ANKRD17: variants seen among roughly 807,000 people sequenced by gnomAD.
ANKRD17 encodes ankyrin repeat domain 17.
ANKRD17 carries 19 observed loss-of-function variants against 229.7 expected under a neutral mutation model. The ratio of observed to expected loss-of-function variants is 0.08; its 90% CI spans 0.06 to 0.12. The LOEUF is 0.12. Ranked by LOEUF, ANKRD17 falls within the 10% of genes least tolerant of loss-of-function variation. ANKRD17 has a pLI of 1.00. For missense variants in ANKRD17, 2,176 were observed against 3,176.8 expected (o/e 0.68, Z 7.57); for synonymous variants, 1,112 against 1,146.1 (o/e 0.97, Z 0.60).
rs35160047 is a variant in ANKRD17, at chr4:73,250,589, C to CAAAAAAAA, written c.393+7679_393+7686dup. Among the ~76,000 whole-genome samples, 250 of 29,394 alleles carry CAAAAAAAA rather than the reference C, an allele frequency of 8.5e-3. 42 individuals carry two copies. The highest frequency in any genetic ancestry group is 0.025 in the South Asian group (10 of 394). 19.3% of individuals were successfully genotyped at this position (29,394 alleles called of 152,430 possible). ...CACTCCAGCATAGATGACCTTGTCT[C>CAAAAAAAA]AAAAAAAAAAAAAAAAAAAAAAAAA... On this transcript the variant is annotated intron_variant, in intron 1 of 33. Coordinates refer to ENST00000358602, the MANE Select transcript of ANKRD17 (RefSeq NM_032217.5).
At chr4:73,187,561 C>A (rs1018998230) in intron 1 of ANKRD17, among the ~76,000 whole-genome samples, 1 of 152,178 alleles carries the variant, frequency 6.6e-6, no homozygotes, top group East Asian at 1.9e-4. Context: ...ATAGGACATA[C>A]TGAAGTAACC....
chr4:73,207,935 T>C lies in ANKRD17; in HGVS notation c.394-30402A>G, dbSNP rs185841515. Reference sequence around the variant, plus strand: ...CGGGCACAGTGGCTCACGCCTGTAATCCCAGCACTTTGGGAGGCCGAGGCA... The same window carrying C: ...CGGGCACAGTGGCTCACGCCTGTAACCCCAGCACTTTGGGAGGCCGAGGCA... On this transcript the variant is annotated intron_variant, in intron 1 of 33. Transcript: ENST00000358602. Among the ~76,000 whole-genome samples the C allele has an allele frequency of 6.5e-3, 989 of 152,232 alleles. 10 individuals carry two copies. Among genetic ancestry groups the C allele is most frequent in the Non-Finnish European group, 9.7e-3 (657 of 67,996 alleles).
intron 1 of ANKRD17, among the ~76,000 whole-genome samples, chr4:73,238,922 T>C (rs1477102891): frequency 6.6e-6 from 1 of 152,108 alleles, no homozygotes; most frequent in Non-Finnish European, 1.5e-5. Context: ...AACTACAAAG[T>C]GTAGATACTA....
intron 1 of ANKRD17, among the ~76,000 whole-genome samples, chr4:73,203,830 C>G (rs990904266): frequency 1.4e-5 from 2 of 148,036 alleles, no homozygotes; most frequent in Non-Finnish European, 3.0e-5. Flanking sequence ...AAAAATATAA[C>G]CTTACAAATC....
In ANKRD17 at chr4:73,142,281, A is replaced by T; in HGVS notation, c.2190T>A (p.Asp730Glu). 2.6e-6 allele frequency: 4 copies of T among 1,557,346 alleles called. No individual in the cohort carries two copies. The African/African-American group carries it at 5.6e-5, about 22-fold the overall frequency. ...PNNLLSAPPPDVTQLTPPSHD... is the reference protein window; with the variant it reads ...PNNLLSAPPPEVTQLTPPSHD... ...GGGATGGGGGAGTTAACTGAGTGAC[A>T]TCTGGTGGAGGGGCTGAAAGCAAGT... Residue 730 changes from aspartate (D) to glutamate (E), a missense_variant, in exon 13 of 34, where the codon GAT becomes GAA. This residue lies in a region of ANKRD17 where 275 missense variants were observed against 386.9 expected (regional missense o/e 0.71). Coordinates refer to ENST00000358602, the MANE Select transcript of ANKRD17 (RefSeq NM_032217.5).
intron 11 of ANKRD17, 114 bp downstream of exon 11, chr4:73,144,631 A>T: frequency 6.5e-5 from 32 of 491,094 alleles, no homozygotes; most frequent in Non-Finnish European, 1.1e-4. Context: ...TGTCAGTAGC[A>T]TCCCTCCTCA....
intron 1 of ANKRD17, among the ~76,000 whole-genome samples, chr4:73,197,136 T>A (rs1737993533): frequency 6.6e-6 from 1 of 152,122 alleles, no homozygotes; most frequent in Non-Finnish European, 1.5e-5. Flanking sequence ...AGCTGTTAGA[T>A]CTTGTGGGTG....
At chr4:73,233,392 T>G (rs986436088) in intron 1 of ANKRD17, among the ~76,000 whole-genome samples, 2 of 152,218 alleles carry the variant, frequency 1.3e-5, no homozygotes, top group African/African-American at 4.8e-5. Flanking sequence ...TTATACATTT[T>G]CTAGGTTGAT....
At chr4:73,217,913 C>CA (rs1741298152) in intron 1 of ANKRD17, among the ~76,000 whole-genome samples, 1 of 152,120 alleles carries the variant, frequency 6.6e-6, no homozygotes, top group South Asian at 2.1e-4. Flanking sequence ...ATCCAAACTC[C>CA]AAACACTTCT....
At chr4:73,144,860 A>G (rs768859276) in intron 10 of ANKRD17, 28 bp from the exon 11 acceptor site, 1 of 1,451,406 alleles carries the variant, frequency 6.9e-7, no homozygotes, top group Non-Finnish European at 9.4e-7. Flanking sequence ...AAAAGACTTG[A>G]CATTTAATTG....
At chr4:73,138,764 A>G (rs1053481885) in intron 15 of ANKRD17, among the ~76,000 whole-genome samples, 1 of 152,088 alleles carries the variant, frequency 6.6e-6, no homozygotes, top group African/African-American at 2.4e-5. Flanking sequence ...ACCTCATCCC[A>G]TTACTTTGTT....
intron 11 of ANKRD17, among the ~76,000 whole-genome samples, chr4:73,143,050 C>A (rs1274975807): frequency 6.6e-6 from 1 of 152,002 alleles, no homozygotes; most frequent in Non-Finnish European, 1.5e-5. Context: ...ACCAAAGTAC[C>A]CATTACTCCT....
At chr4:73,078,370 C>G (rs1340590085) in intron 31 of ANKRD17, among the ~76,000 whole-genome samples, 1 of 151,108 alleles carries the variant, frequency 6.6e-6, no homozygotes, top group Non-Finnish European at 1.5e-5. Context: ...GAGCGAGACT[C>G]CGTCTCAAAA....
chr4:73,218,480 T>C (rs1741397123), intron 1 of ANKRD17, among the ~76,000 whole-genome samples: 1 of 151,572 alleles, frequency 6.6e-6, no homozygotes, highest in Non-Finnish European at 1.5e-5. Flanking sequence ...CCATCTCTAC[T>C]AAAAACACAA....
At chr4:73,175,261 G>T (rs1298698731) in intron 2 of ANKRD17, among the ~76,000 whole-genome samples, 1 of 152,190 alleles carries the variant, frequency 6.6e-6, no homozygotes, top group African/African-American at 2.4e-5. Flanking sequence ...GTGAGGAGCG[G>T]AAGGGGAAGA....
chr4:73,121,480 C>CA lies in ANKRD17; in HGVS notation c.3635+136dup, dbSNP rs2148700614. ...TTAATTACTTAAATAAAGTTCATCT[C>CA]AAAAATCTCTAACACTTTGAATGCC... On this transcript the variant is annotated intron_variant, in intron 19 of 33. Coordinates refer to ENST00000358602, the MANE Select transcript of ANKRD17 (RefSeq NM_032217.5). 3 of 1,045,100 alleles carry CA rather than the reference C, an allele frequency of 2.9e-6. No individual in the cohort carries two copies. In the Admixed American group the frequency reaches 6.4e-5, roughly 22 times the overall value. 64.7% of individuals were successfully genotyped at this position (1,045,100 alleles called of 1,614,324 possible). A position where few individuals can be genotyped will look rare whatever the true frequency, so the allele number is the denominator to read the frequency against.
At chr4:73,095,218 T>C (rs930969743) in intron 27 of ANKRD17, among the ~76,000 whole-genome samples, 1 of 152,104 alleles carries the variant, frequency 6.6e-6, no homozygotes, top group African/African-American at 2.4e-5. Flanking sequence ...ATTCTTATAG[T>C]AGCATTAAAA....
rs111483818 is a variant in ANKRD17 at position 73,221,228 on chromosome 4, G to A, written c.393+37048C>T. Among the ~76,000 whole-genome samples the A allele has an allele frequency of 2.5e-3, 379 of 152,064 alleles. 2 individuals carry two copies. Among genetic ancestry groups the A allele is most frequent in the South Asian group, 0.016 (77 of 4,816 alleles). ...TAGAAACTAAATTAAGATAAATTGAGAATTAGGAAAACTAAAATTGCAGAG... is the reference window on the plus strand; with the variant it reads ...TAGAAACTAAATTAAGATAAATTGAAAATTAGGAAAACTAAAATTGCAGAG... On this transcript the variant is annotated intron_variant, in intron 1 of 33. Coordinates refer to ENST00000358602, the MANE Select transcript of ANKRD17 (RefSeq NM_032217.5).
chr4:73,106,896 A>G lies in ANKRD17; in HGVS notation c.4402-4349T>C, dbSNP rs909992290. ...CCGTCTTTAAAAAAAAAAAAAAAAA[A>G]AAAAAAGCGAAACTGTAAAAGTTAC... On this transcript the variant is annotated intron_variant, in intron 24 of 33. Coordinates refer to ENST00000358602, the MANE Select transcript of ANKRD17 (RefSeq NM_032217.5). Among the ~76,000 whole-genome samples the G allele has an allele frequency of 5.7e-4, 87 of 151,536 alleles. 1 individual carries two copies. In the South Asian group the frequency reaches 0.014, roughly 24 times the overall value.
Sources: gnomAD v4.1 joint callset for allele counts (sites outside exome capture counted in the v4.1 genomes callset) on GRCh38, gnomAD v4.1.1 for gene constraint, gnomAD v4.1.1 regional missense constraint, MANE v1.5 for transcripts, NCBI Gene and HGNC (gene_info 2026-07-23, HGNC 2026-07-21) for gene names.